Variants in PRKAG2 observed in about 807,000 individuals in gnomAD.
PRKAG2 encodes the protein protein kinase AMP-activated non-catalytic subunit gamma 2.
A neutral mutation model predicts 69.6 loss-of-function variants in PRKAG2; 26 were observed. The observed-to-expected ratio is 0.37, with a 90% CI of 0.27 to 0.52. The LOEUF is 0.52. Among genes scored for constraint, PRKAG2 ranks in the 20% least tolerant of loss-of-function variants. The probability of loss-of-function intolerance (pLI) is 0.90; values close to 1 mark genes in which losing one functional copy is unlikely to be tolerated. For synonymous variants in PRKAG2, 293 were observed against 285.0 expected (o/e 1.03, Z -0.28); for missense variants, 557 against 740.0 (o/e 0.75, Z 2.87).
At chr7:151,666,804 T>A (rs1049307335) in intron 4 of PRKAG2, among the ~76,000 whole-genome samples, 1 of 152,236 alleles carries the variant, frequency 6.6e-6, no homozygotes, top group Non-Finnish European at 1.5e-5. Flanking sequence ...AGTTTAGTTA[T>A]ATATTAAATA....
At chr7:151,800,467 A>G (rs1483888036) in intron 1 of PRKAG2, among the ~76,000 whole-genome samples, 2 of 152,172 alleles carry the variant, frequency 1.3e-5, no homozygotes, top group East Asian at 3.9e-4. Flanking sequence ...GGCCTTCCCA[A>G]AACAAATTCT....
intron 1 of PRKAG2, among the ~76,000 whole-genome samples, chr7:151,804,530 A>G (rs2078007204): frequency 6.6e-6 from 1 of 152,144 alleles, no homozygotes; most frequent in Non-Finnish European, 1.5e-5. Flanking sequence ...TTACAATTCA[A>G]GAGGAGATTT....
At chr7:151,786,694 C>T (rs998341082) in intron 1 of PRKAG2, among the ~76,000 whole-genome samples, 153 bp from the exon 2 acceptor site, 4 of 152,160 alleles carry the variant, frequency 2.6e-5, no homozygotes, top group African/African-American at 7.2e-5. Context: ...CTACACCCAG[C>T]CCCCAAAGCC....
chr7:151,786,691 C>T (rs1379294226), intron 1 of PRKAG2, 150 bp from the exon 2 acceptor site: 1 of 699,846 alleles, frequency 1.4e-6, no homozygotes, highest in Non-Finnish European at 2.5e-6. Flanking sequence ...TTGCTACACC[C>T]AGCCCCCAAA....
intron 4 of PRKAG2, among the ~76,000 whole-genome samples, chr7:151,655,300 A>C (rs1268957459): frequency 6.6e-6 from 1 of 152,140 alleles, no homozygotes; most frequent in Non-Finnish European, 1.5e-5. Flanking sequence ...CCTCTTCAAA[A>C]TAGCCTATTA....
At chr7:151,615,444 T>A (rs538636456) in intron 5 of PRKAG2, among the ~76,000 whole-genome samples, 1 of 152,058 alleles carries the variant, frequency 6.6e-6, no homozygotes, top group Admixed American at 6.6e-5. Flanking sequence ...AAATGTAAAA[T>A]TGAAAATTAT....
intron 6 of PRKAG2, among the ~76,000 whole-genome samples, chr7:151,579,777 A>G (rs1271932820): frequency 6.6e-6 from 1 of 152,220 alleles, no homozygotes; most frequent in Non-Finnish European, 1.5e-5. Context: ...CAAGATGCTA[A>G]AAACCAAAGG....
intron 1 of PRKAG2, among the ~76,000 whole-genome samples, chr7:151,824,295 C>A (rs56922253): frequency 6.6e-6 from 1 of 152,126 alleles, no homozygotes; most frequent in South Asian, 2.1e-4. Flanking sequence ...TTGCTCCCCT[C>A]GGCTTTTCCC....
rs73728429 is a variant in PRKAG2 at position 151,858,755 on chromosome 7, A to C, written c.114+17752T>G. Among the ~76,000 whole-genome samples the C allele has an allele frequency of 6.8e-3, 1,040 of 152,300 alleles. 18 individuals carry two copies. The highest frequency in any genetic ancestry group is 0.024 in the African/African-American group (995 of 41,552). On this transcript the variant is annotated intron_variant, in intron 1 of 15. Transcript: ENST00000287878. ...CCAGTGCTGAGATGGGTTTGGTTTG[A>C]GCCCCCAATCCAAAGATGCTTTGCT...
At chr7:151,803,124 AT>A (rs1391246825) in intron 1 of PRKAG2, among the ~76,000 whole-genome samples, 3 of 151,612 alleles carry the variant, frequency 2.0e-5, no homozygotes, top group Non-Finnish European at 4.4e-5. Context: ...TGCCCAGCTA[AT>A]TTTTGTATTT....
intron 1 of PRKAG2, among the ~76,000 whole-genome samples, chr7:151,821,963 G>A (rs1242752267): frequency 6.6e-6 from 1 of 152,122 alleles, no homozygotes; most frequent in Non-Finnish European, 1.5e-5. Flanking sequence ...TGAGTTTTAC[G>A]GAGGCGAACA....
rs1563733994 is a variant in PRKAG2 at position 151,827,774 on chromosome 7, A to AAAAAAAAAC, written c.115-41234_115-41233insGTTTTTTTT. Among the ~76,000 whole-genome samples, 7 of 147,516 alleles carry AAAAAAAAAC rather than the reference A, an allele frequency of 4.7e-5. No homozygotes were observed. In the South Asian group the frequency reaches 8.8e-4, roughly 19 times the overall value. ...AAAAAAAAAAAAAAAAAAAAAAAAA[A>AAAAAAAAAC]CTGCCTTGCTGTAGCCTGTCGTGGT... On this transcript the variant is annotated intron_variant, in intron 1 of 15. Coordinates refer to ENST00000287878, the MANE Select transcript of PRKAG2 (RefSeq NM_016203.4).
intron 3 of PRKAG2, among the ~76,000 whole-genome samples, chr7:151,695,342 C>T (rs10046458): frequency 0.044 from 6,759 of 152,264 alleles, 494 homozygotes; most frequent in African/African-American, 0.15. Flanking sequence ...AATAAAGCTA[C>T]TTGATAAACA....
chr7:151,615,757 C>T (rs1819974065), intron 5 of PRKAG2, among the ~76,000 whole-genome samples: 1 of 152,148 alleles, frequency 6.6e-6, no homozygotes, highest in African/African-American at 2.4e-5. Context: ...GGGCAAAGGA[C>T]ATGAATGGAC....
rs917488730 is a variant in PRKAG2, at chr7:151,780,670, A to G, written c.466+482T>C. Among the ~76,000 whole-genome samples the G allele has an allele frequency of 7.9e-5, 12 of 152,116 alleles. No individual in the cohort carries two copies. Among genetic ancestry groups the G allele is most frequent in the Admixed American group, 7.2e-4 (11 of 15,270 alleles). On this transcript the variant is annotated intron_variant, in intron 3 of 15. Coordinates refer to ENST00000287878, the MANE Select transcript of PRKAG2 (RefSeq NM_016203.4). The surrounding 1 kb of genome is among the most constrained non-coding windows in gnomAD (Gnocchi z 4.2). ...CCATTCCCTGCTGCCCAGAGCCCCA[A>G]ACAGAAAAAGTTAGGATTTGCCAGA...
At chr7:151,634,571 C>T (rs1337112880) in intron 4 of PRKAG2, among the ~76,000 whole-genome samples, 2 of 152,122 alleles carry the variant, frequency 1.3e-5, no homozygotes, top group African/African-American at 4.8e-5. Flanking sequence ...ATTACTAGCA[C>T]ACTGCCTATA....
chr7:151,659,740 G>C (rs1585564305), intron 4 of PRKAG2, among the ~76,000 whole-genome samples: 1 of 152,218 alleles, frequency 6.6e-6, no homozygotes, highest in African/African-American at 2.4e-5. Context: ...ACATTCTTAA[G>C]CTAAGACAAA....
At chr7:151,876,120 G>T (rs989348897) in intron 1 of PRKAG2, among the ~76,000 whole-genome samples, 1 of 141,674 alleles carries the variant, frequency 7.1e-6, no homozygotes, top group African/African-American at 2.6e-5. Context: ...AGCCGAGCGC[G>T]GGCTCCACCT....
chr7:151,706,857 T>C (rs1175674434), intron 3 of PRKAG2, among the ~76,000 whole-genome samples: 1 of 152,168 alleles, frequency 6.6e-6, no homozygotes, highest in Non-Finnish European at 1.5e-5. Context: ...CTCAGCCCAA[T>C]TGGAGCCACC....
Sources: gnomAD v4.1 joint callset for allele counts (sites outside exome capture counted in the v4.1 genomes callset) on GRCh38, gnomAD v4.1.1 for gene constraint, Gnocchi (gnomAD v3.1) non-coding constraint, MANE v1.5 for transcripts, NCBI Gene and HGNC (gene_info 2026-07-23, HGNC 2026-07-21) for gene names.